KCNV2: variants seen among roughly 807,000 people sequenced by gnomAD.
KCNV2 encodes potassium voltage-gated channel subfamily V member 2.
KCNV2 carries 65 observed loss-of-function variants against 37.0 expected under a neutral mutation model. The ratio of observed to expected loss-of-function variants is 1.76; its 90% CI spans 1.44 to 2.16. KCNV2 has a LOEUF of 2.16. Ranked by LOEUF, KCNV2 falls within the 30% of genes most tolerant of loss-of-function variation. KCNV2 has a pLI of 0.00. For synonymous variants in KCNV2, 518 were observed against 328.6 expected, an observed-to-expected ratio of 1.58 and a Z score of -6.23; for missense variants, 1,232 against 766.7, an observed-to-expected ratio of 1.61 and a Z score of -7.17.
At position 2,729,715 on chromosome 9, in the gene KCNV2, A is replaced by G. The variant is rs1820036407; in HGVS notation, c.1626A>G (p.Arg542=). The G allele has an allele frequency of 6.2e-7, 1 of 1,614,078 alleles. No individual in the cohort carries two copies. Residue 542 remains arginine, a synonymous_variant, in exon 2 of 2, where the codon AGA becomes AGG. Coordinates refer to ENST00000382082, the MANE Select transcript of KCNV2 (RefSeq NM_133497.4). ...LLGSNPQLTP[R]QEN ...GAAGCAACCCACAGCTCACCCCAAG[A>G]CAAGAGAATTAGTATTTTATAGGAC...
intron 1 of KCNV2, 94 bp downstream of exon 1, chr9:2,719,189 C>T (rs761948684): frequency 2.8e-6 from 4 of 1,414,186 alleles, no homozygotes; most frequent in Non-Finnish European, 3.9e-6. Flanking sequence ...GCTTTGGCTT[C>T]TGATCCTCGT....
At chr9:2,721,294 A>G (rs1819863318) in intron 1 of KCNV2, among the ~76,000 whole-genome samples, 1 of 152,186 alleles carries the variant, frequency 6.6e-6, no homozygotes, top group African/African-American at 2.4e-5. Flanking sequence ...GATCATCTGT[A>G]TTTATTTCTA....
chr9:2,722,797 T>G, intron 1 of KCNV2, among the ~76,000 whole-genome samples: 1 of 152,170 alleles, frequency 6.6e-6, no homozygotes, highest in African/African-American at 2.4e-5. Flanking sequence ...TTGTTACTCA[T>G]TCACATGCCT....
chr9:2,718,837 G>C lies in KCNV2; in HGVS notation c.1098G>C (p.Val366=), dbSNP rs977445103. 2 of 1,609,516 alleles carry C rather than the reference G, an allele frequency of 1.2e-6. No homozygotes were observed. ...TGEGHQRGQT[V]GSVGKVGQVL... is the part of the protein sequence containing the mutation. ...AGGGCCACCAACGCGGCCAGACGGT[G>C]GGCAGCGTGGGTAAGGTGGGTCAGG... The change falls in exon 1 of 2, where the codon GTG becomes GTC. Residue 366 remains valine (V), a synonymous_variant. Transcript: ENST00000382082.
chr9:2,729,335 C>A, intron 1 of KCNV2, 111 bp from the exon 2 acceptor site: 1 of 1,198,684 alleles, frequency 8.3e-7, no homozygotes, highest in Non-Finnish European at 1.2e-6. Flanking sequence ...GAAGCCATTA[C>A]ACTTCCCATG....
intron 1 of KCNV2, among the ~76,000 whole-genome samples, chr9:2,719,763 C>A (rs1484402190): frequency 6.6e-6 from 1 of 152,262 alleles, no homozygotes; most frequent in Non-Finnish European, 1.5e-5. Context: ...AAAGCCAGAA[C>A]TGAAACTCAG....
chr9:2,721,790 G>T (rs1819874153), intron 1 of KCNV2, among the ~76,000 whole-genome samples: 1 of 152,128 alleles, frequency 6.6e-6, no homozygotes. Context: ...AGGCAGTAGA[G>T]TCTGTCTTTA....
In KCNV2 at chr9:2,729,677, G is replaced by T; in HGVS notation, c.1588G>T (p.Glu530Ter). ...FMQRARKKIA[E>*]CLLGSNPQLT... is the part of the protein sequence containing the mutation. ...GCAGAGAGCCAGAAAGAAGATAGCT[G>T]AGTGTTTGCTTGGAAGCAACCCACA... Residue 530 changes from glutamate (E) to a stop codon, truncating the protein, a stop_gained, in exon 2 of 2, where the codon GAG becomes TAG. Transcript: ENST00000382082. LOFTEE classifies it high-confidence loss of function. 6.2e-7 allele frequency: 1 copy of T among 1,614,098 alleles called. No homozygotes were observed.
intron 1 of KCNV2, among the ~76,000 whole-genome samples, chr9:2,723,943 G>A (rs1258953079): frequency 6.6e-6 from 1 of 151,486 alleles, no homozygotes; most frequent in Non-Finnish European, 1.5e-5. Flanking sequence ...CTCCTGTGTG[G>A]GTATGGTTTT....
In KCNV2 at chr9:2,724,523, G is replaced by A. The variant is rs546414984; in HGVS notation, c.1357-4923G>A. On this transcript the variant is annotated intron_variant, in intron 1 of 1. Transcript: ENST00000382082. ...TAATCCAGAGATTGGTAATTGCAGG[G>A]AGTAGCTATTGGCCCTAGAATTGGG... Among the ~76,000 whole-genome samples the A allele has an allele frequency of 2.0e-5, 3 of 152,328 alleles. No homozygotes were observed. The South Asian group carries it at 6.2e-4, about 32-fold the overall frequency.
rs982524138 is a variant in KCNV2 at position 2,717,683 on chromosome 9, G to T, written c.-57G>T. The T allele has an allele frequency of 1.9e-6, 3 of 1,611,426 alleles. No homozygotes were observed. Among genetic ancestry groups the T allele is most frequent in the African/African-American group, 2.7e-5 (2 of 74,892 alleles). The stretch of plus-strand genomic sequence containing the variant: ...CCATCCTCCTAGAGGCAGTGAGCAG[G>T]TGAGGGACCCCTACCACAGCCAGGA... On this transcript the variant is annotated 5_prime_UTR_variant, in exon 1 of 2. Coordinates refer to ENST00000382082, the MANE Select transcript of KCNV2 (RefSeq NM_133497.4).
rs376016220 is a variant in KCNV2 at position 2,718,906 on chromosome 9, G to A, written c.1167G>A (p.Lys389=). The A allele has an allele frequency of 1.9e-6, 3 of 1,609,078 alleles. No individual in the cohort carries two copies. Among genetic ancestry groups the A allele is most frequent in the Non-Finnish European group, 2.5e-6 (3 of 1,180,002 alleles). Residue 389 remains lysine (K), a synonymous_variant, in exon 1 of 2, where the codon AAG becomes AAA. Transcript: ENST00000382082. ...MRLMRIFRIL[K]LARHSTGLRA... ...TCATGCGCATCTTCCGCATCCTCAA[G>A]CTGGCGCGCCACTCCACCGGACTGC...
intron 1 of KCNV2, among the ~76,000 whole-genome samples, chr9:2,721,662 G>C (rs60707197): frequency 0.03 from 4,147 of 140,420 alleles, 202 homozygotes; most frequent in African/African-American, 0.13. Context: ...GGTAGGAGAA[G>C]AAAAAACAAT....
rs766985581 is a variant in KCNV2 at position 2,718,824 on chromosome 9, G to A, written c.1085G>A (p.Arg362His). Residue 362 changes from arginine to histidine, a missense_variant, in exon 1 of 2, where the codon CGC (arginine) becomes CAC (histidine). By Grantham distance (29) the Arg-to-His change is conservative. Transcript: ENST00000382082. Reference protein sequence around the residue: ...LECFTGEGHQRGQTVGSVGKV... With the variant: ...LECFTGEGHQHGQTVGSVGKV... Reference sequence around the variant, plus strand: ...TGCTTCACGGGCGAGGGCCACCAACGCGGCCAGACGGTGGGCAGCGTGGGT... The same window carrying A: ...TGCTTCACGGGCGAGGGCCACCAACACGGCCAGACGGTGGGCAGCGTGGGT... 8 of 1,609,922 alleles carry A rather than the reference G, an allele frequency of 5.0e-6. No homozygotes were observed. The highest frequency in any genetic ancestry group is 1.7e-5 in the Admixed American group (1 of 60,032).
intron 1 of KCNV2, among the ~76,000 whole-genome samples, chr9:2,722,336 TATAA>T (rs530633735): frequency 1.7e-4 from 24 of 139,064 alleles, no homozygotes; most frequent in East Asian, 1.2e-3. Flanking sequence ...AGAAGTTATT[TATAA>T]ATAAATTAGA....
chr9:2,717,958 AGAG>A lies in KCNV2; in HGVS notation c.222_224del (p.Glu74del). 1 of 1,614,030 alleles carries A rather than the reference AGAG, an allele frequency of 6.2e-7. No individual in the cohort carries two copies. Among genetic ancestry groups the A allele is most frequent in the Non-Finnish European group, 8.5e-7 (1 of 1,179,906 alleles). On this transcript the variant is annotated inframe_deletion, in exon 1 of 2. Transcript: ENST00000382082. Reference sequence around the variant, plus strand: ...ACCAGTGGAAGGACGACCTGGCAGAAGAGGACCAGCAGGCAGGGGAGGTCACCA... The same window carrying A: ...ACCAGTGGAAGGACGACCTGGCAGAAGACCAGCAGGCAGGGGAGGTCACCA...
At chr9:2,722,257 A>C (rs184373516) in intron 1 of KCNV2, among the ~76,000 whole-genome samples, 7 of 134,272 alleles carry the variant, frequency 5.2e-5, no homozygotes, top group African/African-American at 2.1e-4. Context: ...TTATTTATTT[A>C]CAAATTAGAA....
chr9:2,721,710 G>C (rs1819872405), intron 1 of KCNV2, among the ~76,000 whole-genome samples: 1 of 152,160 alleles, frequency 6.6e-6, no homozygotes, highest in Non-Finnish European at 1.5e-5. Flanking sequence ...TTCTAATGGA[G>C]AAAGACAGAT....
rs1053149234 is a variant in KCNV2, at chr9:2,729,854, A to G, written c.*127A>G. On this transcript the variant is annotated 3_prime_UTR_variant, in exon 2 of 2. Transcript: ENST00000382082. ...CATACACAAAGGCCATTTCGTTCAC[A>G]AAGTACTGCCTCTAGAAATACTCAT... The G allele has an allele frequency of 1.0e-6, 1 of 961,558 alleles. No homozygotes were observed. 59.6% of individuals were successfully genotyped at this position (961,558 alleles called of 1,614,324 possible).
Sources: allele counts gnomAD v4.1 joint callset (sites outside exome capture counted in the v4.1 genomes callset), GRCh38; gene constraint gnomAD v4.1.1; transcripts MANE v1.5; gene names NCBI Gene and HGNC (gene_info 2026-07-23, HGNC 2026-07-21).